The following AMDHD2 variants were observed in gnomAD, a reference collection of about 807,000 sequenced individuals.
AMDHD2 encodes amidohydrolase domain containing 2.
In AMDHD2, 24 loss-of-function variants were observed where a neutral mutation model predicts 41.8. That is an observed-to-expected ratio of 0.57 (90% CI 0.42 to 0.81). The LOEUF (loss-of-function observed/expected upper bound fraction) is 0.81, where lower values mean the gene tolerates loss of function less well. AMDHD2 is among the 30% of genes least tolerant of loss of function. The pLI is 0.00. For synonymous variants in AMDHD2, 332 were observed against 255.5 expected (o/e 1.30, Z -2.85); for missense variants, 540 against 588.5 (o/e 0.92, Z 0.85).
rs1164874454 is a variant in AMDHD2, at chr16:2,525,166, C to G, written c.361-2395C>G. On this transcript the variant is annotated intron_variant, in intron 3 of 10. Transcript: ENST00000293971. ...CTGCCTCCTGAGTTTAAGTGATTCT[C>G]CTGCTTCAGCCTCCGGAGTAGCTGG... Among the ~76,000 whole-genome samples the G allele has an allele frequency of 2.6e-5, 4 of 151,786 alleles. No homozygotes were observed. In the East Asian group the frequency reaches 7.8e-4, roughly 30 times the overall value.
In AMDHD2 at chr16:2,531,004, C is replaced by T. The variant is rs1054748014; in HGVS notation, c.*1441C>T. 6.2e-7 allele frequency: 1 copy of T among 1,612,736 alleles called. No homozygotes were observed. The highest frequency in any genetic ancestry group is 8.5e-7 in the Non-Finnish European group (1 of 1,179,498). On this transcript the variant is annotated 3_prime_UTR_variant, in exon 11 of 11. Coordinates refer to ENST00000293971, the MANE Select transcript of AMDHD2 (RefSeq NM_001330449.2). ...GGCAGGGAGAGGCAGGTGAGGTTCT[C>T]AGCCGATGTGTTAGAGGTTGAGCAT... is the stretch of plus-strand genomic sequence containing the variant.
chr16:2,525,822 G>A (rs2065996943), intron 3 of AMDHD2, among the ~76,000 whole-genome samples: 1 of 152,220 alleles, frequency 6.6e-6, no homozygotes, highest in Admixed American at 6.5e-5. Context: ...GGGATTACTG[G>A]CGTGAGCCAC....
At chr16:2,521,398 C>T (rs1222024584) in intron 3 of AMDHD2, among the ~76,000 whole-genome samples, 1 of 152,212 alleles carries the variant, frequency 6.6e-6, no homozygotes, top group African/African-American at 2.4e-5. Context: ...ACCCCCTGCA[C>T]TGCACTCTGG....
In AMDHD2 at chr16:2,520,376, A is replaced by G. The variant is rs4072481; in HGVS notation, c.-83A>G. ...CTGAAGGTCACGTGGGCGCGGTCTC[A>G]GCTCTCGGCTGGGGTTCGTCACTGG... On this transcript the variant is annotated 5_prime_UTR_variant, in exon 1 of 11. Coordinates refer to ENST00000293971, the MANE Select transcript of AMDHD2 (RefSeq NM_001330449.2). 3.6e-6 allele frequency: 4 copies of G among 1,121,218 alleles called. No individual in the cohort carries two copies. Among genetic ancestry groups the G allele is most frequent in the South Asian group, 4.4e-5 (1 of 22,678 alleles). 69.5% of individuals were successfully genotyped at this position (1,121,218 alleles called of 1,614,324 possible).
chr16:2,523,189 C>T (rs2065963805), intron 3 of AMDHD2, among the ~76,000 whole-genome samples: 1 of 152,130 alleles, frequency 6.6e-6, no homozygotes. Flanking sequence ...TATGGAGCCA[C>T]AAGAGTTAGT....
At chr16:2,523,661 G>A (rs2141902257) in intron 3 of AMDHD2, among the ~76,000 whole-genome samples, 1 of 152,260 alleles carries the variant, frequency 6.6e-6, no homozygotes, top group East Asian at 1.9e-4. Flanking sequence ...AAAACCTGCT[G>A]CCAACTGGCA....
At chr16:2,528,739 C>T (rs772311675) in intron 9 of AMDHD2, 21 bp downstream of exon 9, 21 of 1,610,296 alleles carry the variant, frequency 1.3e-5, no homozygotes, top group Non-Finnish European at 1.4e-5. Context: ...AGCACGGGTG[C>T]GGGTTTAGGT....
Position 2,529,743 on chromosome 16 carries a change from T to TC in AMDHD2, c.*182dup. 1 of 1,442,650 alleles carries TC rather than the reference T, an allele frequency of 6.9e-7. No individual in the cohort carries two copies. The highest frequency in any genetic ancestry group is 9.1e-7 in the Non-Finnish European group (1 of 1,100,018). The allele number at this position is 1,442,650 out of a possible 1,614,324, so 89.4% of individuals were successfully genotyped here. On this transcript the variant is annotated 3_prime_UTR_variant, in exon 11 of 11. Coordinates refer to ENST00000293971, the MANE Select transcript of AMDHD2 (RefSeq NM_001330449.2). Reference sequence around the variant, plus strand: ...TGCACCCAGCAGGACTCGCCTTGGCTCCGGGTTTTGCTTGTGCTCACATGT... The same window carrying TC: ...TGCACCCAGCAGGACTCGCCTTGGCTCCCGGGTTTTGCTTGTGCTCACATGT...
At position 2,521,067 on chromosome 16, in the gene AMDHD2, G is replaced by T. The variant is rs777983950; in HGVS notation, c.304G>T (p.Gly102Cys). The change falls in exon 3 of 11, where the codon GGC (glycine) becomes TGC (cysteine). Residue 102 changes from glycine to cysteine, a missense_variant. Gly to Cys is a radical substitution (Grantham distance 159, BLOSUM62 -3). Coordinates refer to ENST00000293971, the MANE Select transcript of AMDHD2 (RefSeq NM_001330449.2). The part of the protein sequence containing the change: ...ALVARRILSH[G>C]VTSFCPTLVT... ...CGTGGCCCGGAGGATCCTGTCGCACGGCGTCACCTCCTTCTGCCCCACCCT... is the reference window on the plus strand; with the variant it reads ...CGTGGCCCGGAGGATCCTGTCGCACTGCGTCACCTCCTTCTGCCCCACCCT... 6.2e-7 allele frequency: 1 copy of T among 1,611,102 alleles called. No homozygotes were observed. The highest frequency in any genetic ancestry group is 1.7e-5 in the Admixed American group (1 of 59,674).
chr16:2,523,711 T>A (rs1397839432), intron 3 of AMDHD2, among the ~76,000 whole-genome samples: 1 of 152,174 alleles, frequency 6.6e-6, no homozygotes, highest in Non-Finnish European at 1.5e-5. Flanking sequence ...CTGGGGCCTG[T>A]CAGAGCCACC....
At chr16:2,520,577 G>A in intron 1 of AMDHD2, 36 bp downstream of exon 1, 1 of 1,213,080 alleles carries the variant, frequency 8.2e-7, no homozygotes, top group Non-Finnish European at 1.0e-6. Context: ...GCTGGGGACC[G>A]GGCGGGGTGC....
chr16:2,521,072 C>G lies in AMDHD2; in HGVS notation c.309C>G (p.Val103=), dbSNP rs117020061. ...CCCGGAGGATCCTGTCGCACGGCGT[C>G]ACCTCCTTCTGCCCCACCCTGGTCA... ...LVARRILSHG[V]TSFCPTLVTS... is the part of the protein sequence containing the mutation. Residue 103 remains valine (V), a synonymous_variant, in exon 3 of 11, where the codon GTC becomes GTG. Transcript: ENST00000293971. 3.1e-6 allele frequency: 5 copies of G among 1,611,030 alleles called. No individual in the cohort carries two copies. The African/African-American group carries it at 6.7e-5, about 22-fold the overall frequency.
chr16:2,531,080 C>G lies in AMDHD2; in HGVS notation c.*1517C>G, dbSNP rs71386675. ...CAGTGCTTGATGTGCCCATCCTCAG[C>G]TAAAACCCAGAGCTGGCATGTTGGT... On this transcript the variant is annotated 3_prime_UTR_variant, in exon 11 of 11. Transcript: ENST00000293971. The G allele has an allele frequency of 0.05, 79,502 of 1,579,420 alleles. 2,319 individuals are homozygous for G. Among genetic ancestry groups the G allele is most frequent in the Middle Eastern group, 0.11 (567 of 5,372 alleles).
chr16:2,529,228 C>G, intron 10 of AMDHD2, 133 bp downstream of exon 10: 1 of 1,092,564 alleles, frequency 9.2e-7, no homozygotes, highest in Non-Finnish European at 1.3e-6. Flanking sequence ...CTGCCGGCTG[C>G]CAGCCTCAGT....
At position 2,530,735 on chromosome 16, in the gene AMDHD2, C is replaced by T. The variant is rs765162148; in HGVS notation, c.*1172C>T. ...GAAGGGAACAGCCAGGGAAGAACCACCTGCCTGGGCAGGGCCTCGCCTGAG... is the reference window on the plus strand; with the variant it reads ...GAAGGGAACAGCCAGGGAAGAACCATCTGCCTGGGCAGGGCCTCGCCTGAG... On this transcript the variant is annotated 3_prime_UTR_variant, in exon 11 of 11. Transcript: ENST00000293971. The T allele has an allele frequency of 1.9e-6, 3 of 1,613,556 alleles. No homozygotes were observed. The highest frequency in any genetic ancestry group is 1.3e-5 in the African/African-American group (1 of 74,932).
intron 3 of AMDHD2, among the ~76,000 whole-genome samples, chr16:2,525,766 G>A (rs1407136051): frequency 2.0e-5 from 3 of 152,126 alleles, no homozygotes; most frequent in Admixed American, 1.3e-4. Context: ...GGATGGTCTC[G>A]ATCTCCTGAC....
Position 2,528,729 on chromosome 16 carries a change from A to G in AMDHD2, c.1039+11A>G, listed in dbSNP as rs879886060. The G allele has an allele frequency of 1.9e-6, 3 of 1,611,594 alleles. No individual in the cohort carries two copies. The highest frequency in any genetic ancestry group is 1.7e-5 in the Admixed American group (1 of 59,650). ...TCCTGCAGGCCACAGGTCAGTGAGC[A>G]GCACGGGTGCGGGTTTAGGTGGTCT... On this transcript the variant is annotated intron_variant, in intron 9 of 10. Coordinates refer to ENST00000293971, the MANE Select transcript of AMDHD2 (RefSeq NM_001330449.2).
At chr16:2,524,540 C>T (rs1474864721) in intron 3 of AMDHD2, among the ~76,000 whole-genome samples, 3 of 152,226 alleles carry the variant, frequency 2.0e-5, no homozygotes, top group Admixed American at 2.0e-4. Flanking sequence ...TTGCTCCCTT[C>T]TAAAACTCCA....
In AMDHD2 at chr16:2,530,830, G is replaced by A. The variant is rs2066082935; in HGVS notation, c.*1267G>A. On this transcript the variant is annotated 3_prime_UTR_variant, in exon 11 of 11. Coordinates refer to ENST00000293971, the MANE Select transcript of AMDHD2 (RefSeq NM_001330449.2). ...GCCCCAGGGGCAGCCCAGGAAAGCA[G>A]GCGACGGATGTGGATCCTGACCTCC... 4 of 1,613,698 alleles carry A rather than the reference G, an allele frequency of 2.5e-6. No homozygotes were observed. In the African/African-American group the frequency reaches 4.0e-5, roughly 16 times the overall value.
Sources: allele counts gnomAD v4.1 joint callset (sites outside exome capture counted in the v4.1 genomes callset), GRCh38; gene constraint gnomAD v4.1.1; transcripts MANE v1.5; gene names NCBI Gene and HGNC (gene_info 2026-07-23, HGNC 2026-07-21).